Variants in UMODL1 observed in about 807,000 individuals in gnomAD.
The protein encoded by UMODL1 is uromodulin like 1.
UMODL1 carries 128 observed loss-of-function variants against 136.3 expected under a neutral mutation model. That is an observed-to-expected ratio of 0.94 (90% CI 0.81 to 1.09). The LOEUF is 1.09. Among genes scored for constraint, UMODL1 ranks in the 50% least tolerant of loss-of-function variants. UMODL1 has a pLI of 0.00. For missense variants in UMODL1, 1,766 were observed against 1,725.6 expected (o/e 1.02, Z -0.41); for synonymous variants, 721 against 720.0 (o/e 1.00, Z -0.02).
intron 22 of UMODL1, among the ~76,000 whole-genome samples, chr21:42,139,405 A>T (rs2067249388): frequency 2.0e-5 from 3 of 152,166 alleles, no homozygotes; most frequent in Non-Finnish European, 2.9e-5. Flanking sequence ...TGAGAGCTCT[A>T]TCGTGAGACA....
At position 42,104,033 on chromosome 21, in the gene UMODL1, C is replaced by A; in HGVS notation, c.1465C>A (p.Pro489Thr). 1 of 1,613,930 alleles carries A rather than the reference C, an allele frequency of 6.2e-7. No individual in the cohort carries two copies. The highest frequency in any genetic ancestry group is 8.5e-7 in the Non-Finnish European group (1 of 1,180,008). Residue 489 changes from proline (P) to threonine (T), a missense_variant, in exon 9 of 23, where the codon CCC becomes ACC. Coordinates refer to ENST00000408910, the MANE Select transcript of UMODL1 (RefSeq NM_001004416.3). Reference protein sequence around the residue: ...GISTLAPILQPLLASTVFQID... With the variant: ...GISTLAPILQTLLASTVFQID... Reference sequence around the variant, plus strand: ...CTCCACGCTGGCCCCCATACTCCAGCCCCTGTTGGCAAGCACAGTGTTCCA... The same window carrying A: ...CTCCACGCTGGCCCCCATACTCCAGACCCTGTTGGCAAGCACAGTGTTCCA...
At chr21:42,067,774 C>T (rs1003592603), upstream of UMODL1, among the ~76,000 whole-genome samples, 1 of 152,250 alleles carries the variant, frequency 6.6e-6, no homozygotes, top group African/African-American at 2.4e-5. Context: ...GCGACAGGCC[C>T]ATGCTGCTCC....
At chr21:42,105,153 C>T (rs936945563) in intron 9 of UMODL1, among the ~76,000 whole-genome samples, 7 of 152,228 alleles carry the variant, frequency 4.6e-5, no homozygotes, top group African/African-American at 1.7e-4. Flanking sequence ...TGGGGTTACT[C>T]TGTTCACTTG....
chr21:42,098,699 A>G (rs984670557), intron 6 of UMODL1, among the ~76,000 whole-genome samples: 1 of 152,104 alleles, frequency 6.6e-6, no homozygotes, highest in Non-Finnish European at 1.5e-5. Context: ...CCCGGGAGGC[A>G]GAGGTTGCAG....
At chr21:42,134,327 T>A (rs375396347) in intron 21 of UMODL1, among the ~76,000 whole-genome samples, 1 of 152,254 alleles carries the variant, frequency 6.6e-6, no homozygotes, top group Non-Finnish European at 1.5e-5. Flanking sequence ...AGCATGATAA[T>A]TTTTGCATAT....
chr21:42,138,651 C>T (rs887765819), intron 22 of UMODL1, among the ~76,000 whole-genome samples: 6 of 151,972 alleles, frequency 3.9e-5, no homozygotes, highest in African/African-American at 1.5e-4. Context: ...TCTTGGCTCA[C>T]CACAACCTCC....
At chr21:42,082,818 C>T (rs2066378238) in intron 2 of UMODL1, among the ~76,000 whole-genome samples, 1 of 152,226 alleles carries the variant, frequency 6.6e-6, no homozygotes, top group South Asian at 2.1e-4. Context: ...TCCTTGCCCT[C>T]CTCTTGTGCT....
chr21:42,081,256 G>A (rs1175891719), intron 2 of UMODL1, among the ~76,000 whole-genome samples: 1 of 152,204 alleles, frequency 6.6e-6, no homozygotes, highest in Non-Finnish European at 1.5e-5. Context: ...AGGCCCCGAG[G>A]AAGGAGGAGG....
intron 4 of UMODL1, among the ~76,000 whole-genome samples, chr21:42,087,196 C>G (rs547061990): frequency 1.3e-5 from 2 of 152,158 alleles, no homozygotes. Context: ...CCTGCAGAAG[C>G]GCCTGCCTTG....
rs1217205782 is a variant in UMODL1, at chr21:42,076,243, C to G, written c.315C>G (p.Val105=). The part of the protein sequence containing the change: ...EGYEQLGLYC[V]LPLNQSGQFT... ...ATGAACAGCTCGGCCTCTACTGTGT[C>G]TTGCGTGAGTCCAGGGCTGCTGGGC... Residue 105 remains valine (V), a synonymous_variant, in exon 2 of 23, where the codon GTC becomes GTG. Transcript: ENST00000408910. The G allele has an allele frequency of 6.2e-7, 1 of 1,613,986 alleles. No homozygotes were observed. Among genetic ancestry groups the G allele is most frequent in the Non-Finnish European group, 8.5e-7 (1 of 1,179,950 alleles).
Position 42,099,952 on chromosome 21 carries a change from A to G in UMODL1, c.1186+772A>G, listed in dbSNP as rs1284451305. 6.6e-6 allele frequency among the ~76,000 whole-genome samples: 1 copy of G among 152,214 alleles called. No individual in the cohort carries two copies. Among genetic ancestry groups the G allele is most frequent in the Non-Finnish European group, 1.5e-5 (1 of 68,042 alleles). ...GAGGCAACTTTTGTCTCCAAAACAC[A>G]CACGACACACACATGAACTTGGGGC... On this transcript the variant is annotated intron_variant, in intron 7 of 22. Coordinates refer to ENST00000408910, the MANE Select transcript of UMODL1 (RefSeq NM_001004416.3). This position sits in a 1 kb window ranked among gnomAD's most constrained non-coding sequence, Gnocchi z 4.1.
upstream of UMODL1, chr21:42,071,207 G>A (rs1191972077): frequency 7.6e-6 from 9 of 1,190,048 alleles, no homozygotes. Flanking sequence ...GGGACAGAAA[G>A]GCCGTTTCTC....
intron 1 of UMODL1, among the ~76,000 whole-genome samples, chr21:42,065,191 A>G (rs955044724): frequency 6.6e-6 from 1 of 152,186 alleles, no homozygotes. Flanking sequence ...TGTTGCGATG[A>G]GGGCTGGCGG....
At chr21:42,068,143 C>T (rs534278378), upstream of UMODL1, among the ~76,000 whole-genome samples, 75 of 152,254 alleles carry the variant, frequency 4.9e-4, no homozygotes, top group African/African-American at 1.5e-3. The surrounding 1 kb of genome is among the most constrained non-coding windows in gnomAD (Gnocchi z 5.5). Context: ...GAAGGCCAAC[C>T]GTGATTCCAT....
At chr21:42,116,525 C>G (rs1293757739) in intron 14 of UMODL1, among the ~76,000 whole-genome samples, 1 of 152,288 alleles carries the variant, frequency 6.6e-6, no homozygotes, top group East Asian at 1.9e-4. Context: ...ACAACTCTTC[C>G]TCTGCTGCAT....
chr21:42,108,951 T>A (rs113881514), intron 9 of UMODL1, among the ~76,000 whole-genome samples: 1 of 78,204 alleles, frequency 1.3e-5, no homozygotes, highest in Non-Finnish European at 2.3e-5. Context: ...ATACTCAGGC[T>A]GACCCCCACT....
At chr21:42,067,644 C>A (rs1003655165), upstream of UMODL1, among the ~76,000 whole-genome samples, 2 of 152,208 alleles carry the variant, frequency 1.3e-5, no homozygotes, top group African/African-American at 4.8e-5. Context: ...TCCACTGCCC[C>A]CCTGGCCTTA....
intron 4 of UMODL1, among the ~76,000 whole-genome samples, chr21:42,086,227 G>A (rs2066425198): frequency 1.3e-5 from 2 of 152,244 alleles, no homozygotes; most frequent in Non-Finnish European, 2.9e-5. Flanking sequence ...GGTCTAATGT[G>A]CTGCTGTTGC....
chr21:42,123,295 C>T lies in UMODL1; in HGVS notation c.3147+145C>T. ...GGGGTTCAGGACAGGGTTGAGTTCT[C>T]AACCAGGGACCAGCCTGCACCCCAG... On this transcript the variant is annotated intron_variant, in intron 17 of 22. Coordinates refer to ENST00000408910, the MANE Select transcript of UMODL1 (RefSeq NM_001004416.3). This position sits in a 1 kb window ranked among gnomAD's most constrained non-coding sequence, Gnocchi z 4.4. 2.1e-6 allele frequency: 2 copies of T among 953,756 alleles called. No homozygotes were observed. Among genetic ancestry groups the T allele is most frequent in the Non-Finnish European group, 3.0e-6 (2 of 660,670 alleles). The allele number at this position is 953,756 out of a possible 1,614,324, so 59.1% of individuals were successfully genotyped here. A position where few individuals can be genotyped will look rare whatever the true frequency, so the allele number is the denominator to read the frequency against.
Sources: allele counts gnomAD v4.1 joint callset (sites outside exome capture counted in the v4.1 genomes callset), GRCh38; gene constraint gnomAD v4.1.1; non-coding constraint Gnocchi (gnomAD v3.1); transcripts MANE v1.5; gene names NCBI Gene and HGNC (gene_info 2026-07-23, HGNC 2026-07-21).